The following KMT2E variants were observed in gnomAD, a reference collection of about 807,000 sequenced individuals.
The protein encoded by KMT2E is lysine methyltransferase 2E (inactive).
A neutral mutation model predicts 184.6 loss-of-function variants in KMT2E; 30 were observed. That is an observed-to-expected ratio of 0.16 (90% CI 0.12 to 0.22). The LOEUF is 0.22. Among genes scored for constraint, KMT2E ranks in the 10% least tolerant of loss-of-function variants. The probability of loss-of-function intolerance (pLI) is 1.00; values close to 1 mark genes in which losing one functional copy is unlikely to be tolerated. For missense variants in KMT2E, 2,023 were observed against 2,237.4 expected (o/e 0.90, Z 1.93); for synonymous variants, 815 against 776.5 (o/e 1.05, Z -0.82).
At position 105,113,001 on chromosome 7, in the gene KMT2E, C is replaced by G; in HGVS notation, c.5245C>G (p.Leu1749Val). Residue 1749 changes from leucine to valine, a missense_variant, in exon 27 of 27, where the codon CTT (leucine) becomes GTT (valine). Leu to Val is a conservative substitution (Grantham distance 32). This residue lies in a region of KMT2E where 1,108 missense variants were observed against 1,050.9 expected (regional missense o/e 1.05). Transcript: ENST00000311117. ...CCACCCACCTCATCAAGGACCTCCACTTTTTCCTTCGAGTGCTCATCCAAC... is the reference window on the plus strand; with the variant it reads ...CCACCCACCTCATCAAGGACCTCCAGTTTTTCCTTCGAGTGCTCATCCAAC... ...LHHPPHQGPPLFPSSAHPTVP... is the reference protein window; with the variant it reads ...LHHPPHQGPPVFPSSAHPTVP... The G allele has an allele frequency of 6.2e-7, 1 of 1,614,108 alleles. No homozygotes were observed. Among genetic ancestry groups the G allele is most frequent in the Non-Finnish European group, 8.5e-7 (1 of 1,180,026 alleles).
rs577670610 is a variant in KMT2E, at chr7:105,107,606, A to T, written c.3149A>T (p.Asn1050Ile). ...CCTGCACATGACAGGGCTGAGCCCA[A>T]CAGCCAACTGGACTCGACTCACTCT... is the stretch of plus-strand genomic sequence containing the variant. ...ETPAHDRAEP[N>I]SQLDSTHSGR... The change falls in exon 22 of 27, where the codon AAC becomes ATC. Residue 1050 changes from asparagine (N) to isoleucine (I), a missense_variant. This residue lies in a region of KMT2E where 1,108 missense variants were observed against 1,050.9 expected (regional missense o/e 1.05). Transcript: ENST00000311117. The T allele has an allele frequency of 6.2e-7, 1 of 1,614,156 alleles. No homozygotes were observed. The highest frequency in any genetic ancestry group is 2.2e-5 in the East Asian group (1 of 44,864).
intron 3 of KMT2E, among the ~76,000 whole-genome samples, chr7:105,051,791 A>T (rs1449191798): frequency 6.6e-6 from 1 of 151,446 alleles, no homozygotes; most frequent in Non-Finnish European, 1.5e-5. Flanking sequence ...GCTAATTTTT[A>T]TATTTTTAAC....
chr7:105,043,365 T>C (rs1302373018), intron 3 of KMT2E, among the ~76,000 whole-genome samples: 1 of 150,388 alleles, frequency 6.6e-6, no homozygotes, highest in Non-Finnish European at 1.5e-5. Context: ...GCCTCCCAAG[T>C]AGCTGGGACT....
At chr7:105,085,088 AAATTGTTGC>A in intron 13 of KMT2E, among the ~76,000 whole-genome samples, 1 of 151,870 alleles carries the variant, frequency 6.6e-6, no homozygotes, top group South Asian at 2.1e-4. Context: ...CTGTTTTTTC[AAATTGTTGC>A]AATTGTTGCA....
intron 15 of KMT2E, among the ~76,000 whole-genome samples, chr7:105,096,247 CAAAAAAAAAAAA>C (rs11330758): frequency 8.7e-5 from 6 of 69,268 alleles, no homozygotes; most frequent in South Asian, 5.1e-4. Context: ...GTGAAAGGCT[CAAAAAAAAAAAA>C]AAAAAAAAAA....
In KMT2E at chr7:105,081,715, A is replaced by G; in HGVS notation, c.1276A>G (p.Ile426Val). 2 of 1,503,848 alleles carry G rather than the reference A, an allele frequency of 1.3e-6. No individual in the cohort carries two copies. The highest frequency in any genetic ancestry group is 2.3e-5 in the East Asian group (1 of 42,856). 93.2% of individuals were successfully genotyped at this position (1,503,848 alleles called of 1,614,324 possible). ...EVRHEIQDGTIHLYIYSIHSI... is the reference protein window; with the variant it reads ...EVRHEIQDGTVHLYIYSIHSI... Reference sequence around the variant, plus strand: ...GAGGCATGAAATTCAAGATGGAACCATACATCTTTATATTTATTCTATACA... The same window carrying G: ...GAGGCATGAAATTCAAGATGGAACCGTACATCTTTATATTTATTCTATACA... The change falls in exon 13 of 27, where the codon ATA (isoleucine) becomes GTA (valine). Residue 426 changes from isoleucine to valine, a missense_variant. This residue lies in a region of KMT2E where 68 missense variants were observed against 133.1 expected (regional missense o/e 0.51). Coordinates refer to ENST00000311117, the MANE Select transcript of KMT2E (RefSeq NM_182931.3).
intron 13 of KMT2E, among the ~76,000 whole-genome samples, chr7:105,087,850 T>C (rs1468109539): frequency 6.6e-6 from 1 of 150,596 alleles, no homozygotes; most frequent in East Asian, 1.9e-4. Flanking sequence ...TTCCCAGAAG[T>C]TCTTTATATA....
chr7:105,080,054 C>A (rs1432264309), intron 12 of KMT2E, among the ~76,000 whole-genome samples: 1 of 151,952 alleles, frequency 6.6e-6, no homozygotes, highest in Non-Finnish European at 1.5e-5. Flanking sequence ...CCTATGTTGT[C>A]CAGACTGGTC....
chr7:105,023,741 G>A (rs918161032), intron 1 of KMT2E, among the ~76,000 whole-genome samples: 3 of 152,154 alleles, frequency 2.0e-5, no homozygotes, highest in Non-Finnish European at 1.5e-5. Context: ...CACTGTGCCC[G>A]GCTCCGTTAA....
chr7:105,027,377 A>C (rs761035491), intron 1 of KMT2E, among the ~76,000 whole-genome samples: 1 of 152,138 alleles, frequency 6.6e-6, no homozygotes, highest in Admixed American at 6.5e-5. Flanking sequence ...AAGTGAGTGT[A>C]GTCTGTCTCA....
chr7:105,037,283 A>G (rs190937159), intron 1 of KMT2E, among the ~76,000 whole-genome samples: 51 of 152,208 alleles, frequency 3.4e-4, no homozygotes, highest in African/African-American at 1.2e-3. Context: ...ATTTTAGAAA[A>G]ATATTTTTAC....
chr7:105,032,745 T>G (rs1183204823), intron 1 of KMT2E, among the ~76,000 whole-genome samples: 1 of 152,252 alleles, frequency 6.6e-6, no homozygotes, highest in Non-Finnish European at 1.5e-5. Context: ...CCTCAAGCAG[T>G]CCTCCTGCCT....
In KMT2E at chr7:105,114,422, G is replaced by T. The variant is rs936474151; in HGVS notation, c.*1089G>T. 4.0e-5 allele frequency: 6 copies of T among 150,438 alleles called. No homozygotes were observed. Among genetic ancestry groups the T allele is most frequent in the African/African-American group, 1.5e-4 (6 of 41,274 alleles). 9.3% of individuals were successfully genotyped at this position (150,438 alleles called of 1,614,324 possible). On this transcript the variant is annotated 3_prime_UTR_variant, in exon 27 of 27. Coordinates refer to ENST00000311117, the MANE Select transcript of KMT2E (RefSeq NM_182931.3). ...CCCAAAACAGGAAAATTTGTCTTGG[G>T]TGTAAAAACTAAAGAAAAAAGGCAT...
At chr7:105,059,818 G>A (rs901159934) in intron 3 of KMT2E, among the ~76,000 whole-genome samples, 5 of 151,876 alleles carry the variant, frequency 3.3e-5, no homozygotes, top group East Asian at 1.9e-4. Context: ...TTGGGAGTTG[G>A]GTGGAGACAT....
chr7:105,038,875 C>T (rs1057120954), intron 2 of KMT2E, among the ~76,000 whole-genome samples: 2 of 152,130 alleles, frequency 1.3e-5, no homozygotes, highest in Admixed American at 6.5e-5. Context: ...TGTCTTAATA[C>T]ATATGACCTC....
At chr7:105,031,491 C>T (rs1200046158) in intron 1 of KMT2E, among the ~76,000 whole-genome samples, 1 of 151,992 alleles carries the variant, frequency 6.6e-6, no homozygotes, top group Non-Finnish European at 1.5e-5. Context: ...GTGGCTCATG[C>T]CTGTAATCCC....
chr7:105,067,066 TAAAA>T (rs11457088), intron 6 of KMT2E, among the ~76,000 whole-genome samples: 3 of 115,470 alleles, frequency 2.6e-5, no homozygotes, highest in East Asian at 2.4e-4. Flanking sequence ...CTTTTTTTTT[TAAAA>T]AAAAAAAAAA....
intron 3 of KMT2E, among the ~76,000 whole-genome samples, chr7:105,052,590 ACT>A (rs927376809): frequency 4.0e-5 from 6 of 151,542 alleles, no homozygotes; most frequent in Admixed American, 1.3e-4. Context: ...AAGGAGTCTC[ACT>A]CTGTCGCCCA....
chr7:105,066,910 A>C, intron 6 of KMT2E, 103 bp downstream of exon 6: 1 of 869,854 alleles, frequency 1.1e-6, no homozygotes, highest in African/African-American at 1.6e-5. Context: ...AATGAATCAC[A>C]GCCGGGCATG....
Sources: gnomAD v4.1 joint callset for allele counts (sites outside exome capture counted in the v4.1 genomes callset) on GRCh38, gnomAD v4.1.1 for gene constraint, gnomAD v4.1.1 regional missense constraint, MANE v1.5 for transcripts, NCBI Gene and HGNC (gene_info 2026-07-23, HGNC 2026-07-21) for gene names.